Variants in OPRM1 observed in about 807,000 individuals in gnomAD.
OPRM1 encodes mu-type opioid receptor.
A neutral mutation model predicts 31.8 loss-of-function variants in OPRM1; 27 were observed. The ratio of observed to expected loss-of-function variants is 0.85; its 90% confidence interval spans 0.63 to 1.17. OPRM1 has a LOEUF of 1.17. OPRM1 is among the 50% of genes most tolerant of loss of function. The pLI is 0.00. For synonymous variants in OPRM1, 196 were observed against 189.9 expected, an observed-to-expected ratio of 1.03 and a Z score of -0.26; for missense variants, 536 against 511.1, an observed-to-expected ratio of 1.05 and a Z score of -0.47.
chr6:154,091,041 A>T lies in OPRM1; in HGVS notation c.733A>T (p.Met245Leu), dbSNP rs563231850. 4 of 1,614,200 alleles carry T rather than the reference A, an allele frequency of 2.5e-6. No individual in the cohort carries two copies. The highest frequency in any genetic ancestry group is 1.3e-5 in the African/African-American group (1 of 75,034). Residue 245 changes from methionine (M) to leucine (L), a missense_variant, in exon 3 of 4, where the codon ATG becomes TTG. Met to Leu is a conservative substitution (Grantham distance 15). Transcript: ENST00000330432. ...KICVFIFAFI[M>L]PVLIITVCYG... ...CTGTGTTTTCATCTTCGCCTTCATT[A>T]TGCCAGTGCTCATCATTACCGTGTG...
At chr6:154,091,778 T>G (rs1440588916) in intron 3 of OPRM1, 1 of 1,078,632 alleles carries the variant, frequency 9.3e-7, no homozygotes, top group African/African-American at 1.7e-5. Flanking sequence ...TAGAAATAAT[T>G]CTGATCTAGA....
At chr6:154,152,340 A>AAAAGG (rs1562510681) in intron 3 of OPRM1, among the ~76,000 whole-genome samples, 21 of 9,838 alleles carry the variant, frequency 2.1e-3, no homozygotes, top group Middle Eastern at 0.036. Flanking sequence ...AGAAAGAAAG[A>AAAAGG]AAGAAAGGAA....
chr6:154,020,420 A>G (rs1208166554), intron 1 of OPRM1, among the ~76,000 whole-genome samples: 3 of 152,324 alleles, frequency 2.0e-5, no homozygotes, highest in East Asian at 3.9e-4. Context: ...CCAAAAGATC[A>G]AAATCCCTAA....
chr6:154,210,839 AT>A (rs1422957177), intron 3 of OPRM1, among the ~76,000 whole-genome samples: 1 of 152,214 alleles, frequency 6.6e-6, no homozygotes, highest in Admixed American at 6.5e-5. Flanking sequence ...TTTAATAAAC[AT>A]TTATTCAACA....
chr6:154,030,338 A>G (rs1201285046), intron 1 of OPRM1, among the ~76,000 whole-genome samples: 1 of 152,174 alleles, frequency 6.6e-6, no homozygotes, highest in African/African-American at 2.4e-5. Flanking sequence ...GGATTTTAGA[A>G]CTTTTCTTTT....
At chr6:154,189,190 C>T (rs1801642786) in intron 3 of OPRM1, among the ~76,000 whole-genome samples, 1 of 152,156 alleles carries the variant, frequency 6.6e-6, no homozygotes, top group Non-Finnish European at 1.5e-5. Flanking sequence ...TGTGCTAATC[C>T]ATAATCAAGA....
At position 154,039,568 on chromosome 6, in the gene OPRM1, G is replaced by A. The variant is rs1799973; in HGVS notation, c.24G>A (p.Thr8=). 1 of 1,612,970 alleles carries A rather than the reference G, an allele frequency of 6.2e-7. No homozygotes were observed. The highest frequency in any genetic ancestry group is 8.5e-7 in the Non-Finnish European group (1 of 1,179,566). MDSSAAP[T]NASNCTDALA... ...CCATGGACAGCAGCGCTGCCCCCAC[G>A]AACGCCAGCAATTGCACTGATGCCT... The change falls in exon 1 of 4, where the codon ACG becomes ACA. Residue 8 remains threonine (T), a synonymous_variant. Transcript: ENST00000330432.
chr6:154,182,375 C>T (rs1800962140), intron 3 of OPRM1, among the ~76,000 whole-genome samples: 1 of 152,052 alleles, frequency 6.6e-6, no homozygotes, highest in African/African-American at 2.4e-5. Flanking sequence ...GGTTGTTTTG[C>T]TGTTGTTATT....
chr6:154,213,491 G>T (rs917824572), intron 3 of OPRM1, among the ~76,000 whole-genome samples: 2 of 152,186 alleles, frequency 1.3e-5, no homozygotes, highest in Non-Finnish European at 2.9e-5. Context: ...TCATGGTATT[G>T]CACGGTACCC....
chr6:154,199,569 T>C, intron 3 of OPRM1: 1 of 1,327,192 alleles, frequency 7.5e-7, no homozygotes, highest in Non-Finnish European at 1.0e-6. Context: ...TGAATCATCA[T>C]TCATGAGTTT....
intron 3 of OPRM1, among the ~76,000 whole-genome samples, chr6:154,204,846 T>C (rs1159458928): frequency 6.6e-6 from 1 of 152,140 alleles, no homozygotes; most frequent in Non-Finnish European, 1.5e-5. Flanking sequence ...AAAATATCCA[T>C]AGTATTCATT....
At chr6:154,210,605 A>T (rs1369552308) in intron 3 of OPRM1, among the ~76,000 whole-genome samples, 1 of 152,240 alleles carries the variant, frequency 6.6e-6, no homozygotes, top group Non-Finnish European at 1.5e-5. Context: ...TAAGGTCTGA[A>T]GATATCATTA....
downstream of OPRM1, among the ~76,000 whole-genome samples, chr6:154,136,144 T>G (rs375268376): frequency 4.8e-4 from 73 of 152,202 alleles, no homozygotes; most frequent in African/African-American, 1.7e-3. Flanking sequence ...TGAATATGAA[T>G]TTGTTGGGTC....
At chr6:154,155,749 C>G (rs1029140654) in intron 3 of OPRM1, 10 of 152,050 alleles carry the variant, frequency 6.6e-5, no homozygotes, top group Non-Finnish European at 1.5e-5. Flanking sequence ...CCACTGCACT[C>G]CAGCCTGGGC....
At chr6:154,015,353 T>A (rs1392042350) in intron 1 of OPRM1, among the ~76,000 whole-genome samples, 2 of 151,998 alleles carry the variant, frequency 1.3e-5, no homozygotes, top group Non-Finnish European at 2.9e-5. Flanking sequence ...TACATATACA[T>A]ACATACATAG....
chr6:154,118,869 C>T lies in OPRM1; in HGVS notation c.*148C>T, dbSNP rs1583619322. 2 of 1,482,442 alleles carry T rather than the reference C, an allele frequency of 1.3e-6. No individual in the cohort carries two copies. The highest frequency in any genetic ancestry group is 1.8e-6 in the Non-Finnish European group (2 of 1,124,682). 91.8% of individuals were successfully genotyped at this position (1,482,442 alleles called of 1,614,324 possible). A position where few individuals can be genotyped will look rare whatever the true frequency, so the allele number is the denominator to read the frequency against. On this transcript the variant is annotated 3_prime_UTR_variant, in exon 4 of 4. Transcript: ENST00000330432. ...CCAACCTCTTTCCTCTCTGGCCACT[C>T]TGCTCTGCACATTAGAGGGACAGCC... is the stretch of plus-strand genomic sequence containing the variant.
chr6:154,155,176 A>G (rs1798662697), intron 3 of OPRM1: 1 of 152,162 alleles, frequency 6.6e-6, no homozygotes, highest in African/African-American at 2.4e-5. Context: ...TGCCTCATTC[A>G]AGGAGACGAG....
At chr6:154,082,949 A>G (rs1266805352) in intron 1 of OPRM1, among the ~76,000 whole-genome samples, 1 of 152,218 alleles carries the variant, frequency 6.6e-6, no homozygotes, top group Non-Finnish European at 1.5e-5. Flanking sequence ...ATTTTTCTAT[A>G]ATACATAAAT....
chr6:154,017,757 A>G (rs1317232061), intron 1 of OPRM1, among the ~76,000 whole-genome samples: 1 of 152,226 alleles, frequency 6.6e-6, no homozygotes, highest in Non-Finnish European at 1.5e-5. Context: ...ACTTTTTGGA[A>G]TGATTTGAGC....
Sources: gnomAD v4.1 joint callset for allele counts (sites outside exome capture counted in the v4.1 genomes callset) on GRCh38, gnomAD v4.1.1 for gene constraint, MANE v1.5 for transcripts, NCBI Gene and HGNC (gene_info 2026-07-23, HGNC 2026-07-21) for gene names.